The following NCOA5 variants were observed in gnomAD, a reference collection of about 807,000 sequenced individuals.
The protein encoded by NCOA5 is nuclear receptor coactivator 5.
In NCOA5, 12 loss-of-function variants were observed where a neutral mutation model predicts 59.0. The ratio of observed to expected loss-of-function variants is 0.20; its 90% CI spans 0.13 to 0.33. The LOEUF is 0.33. NCOA5 is among the 10% of genes least tolerant of loss of function. The pLI is 1.00. For missense variants in NCOA5, 655 were observed against 766.6 expected (o/e 0.85, Z 1.72); for synonymous variants, 270 against 275.5 (o/e 0.98, Z 0.20).
chr20:46,062,722 T>C lies in NCOA5; in HGVS notation c.1318A>G (p.Asn440Asp). ...CTATTGGCCGTCACTGTGCCACTAT[T>C]GAAGAGGCTGAGGATTTTGGCCTGA... is the stretch of plus-strand genomic sequence containing the variant. Reference protein sequence around the residue: ...ELQAKILSLFNSGTVTANSSS... With the variant: ...ELQAKILSLFDSGTVTANSSS... Residue 440 changes from asparagine (N) to aspartate (D), a missense_variant, in exon 8 of 8, where the codon AAT becomes GAT. Transcript: ENST00000290231. 4 of 1,613,868 alleles carry C rather than the reference T, an allele frequency of 2.5e-6. No individual in the cohort carries two copies. Among genetic ancestry groups the C allele is most frequent in the Non-Finnish European group, 3.4e-6 (4 of 1,179,830 alleles).
At chr20:46,089,176 C>T (rs938180332) in intron 1 of NCOA5, among the ~76,000 whole-genome samples, 7 of 152,194 alleles carry the variant, frequency 4.6e-5, no homozygotes, top group Admixed American at 4.6e-4. Flanking sequence ...GAAAGCCGGC[C>T]GGATCGGACG....
chr20:46,073,839 G>A (rs1809056076), intron 2 of NCOA5, among the ~76,000 whole-genome samples: 1 of 152,192 alleles, frequency 6.6e-6, no homozygotes, highest in Admixed American at 6.5e-5. Context: ...ATCCCTGCAA[G>A]TTGACTAAAA....
intron 1 of NCOA5, among the ~76,000 whole-genome samples, chr20:46,087,414 T>C (rs769040454): frequency 2.0e-5 from 3 of 152,198 alleles, no homozygotes; most frequent in Admixed American, 6.5e-5. Flanking sequence ...TAAAATGAAG[T>C]TTCAAACCAA....
intron 2 of NCOA5, among the ~76,000 whole-genome samples, chr20:46,073,072 A>G (rs2084901848): frequency 6.6e-6 from 1 of 152,228 alleles, no homozygotes; most frequent in Admixed American, 6.5e-5. Context: ...AAGGCTTTGT[A>G]GCTCTAGGAT....
intron 2 of NCOA5, among the ~76,000 whole-genome samples, chr20:46,073,220 T>C (rs1205300822): frequency 1.3e-5 from 2 of 152,178 alleles, no homozygotes; most frequent in African/African-American, 2.4e-5. Flanking sequence ...CATCATGATG[T>C]CATCAGCTTG....
chr20:46,062,549 C>A lies in NCOA5; in HGVS notation c.1491G>T (p.Met497Ile). The change falls in exon 8 of 8, where the codon ATG becomes ATT. Residue 497 changes from methionine to isoleucine, a missense_variant. By Grantham distance (10) the Met-to-Ile change is conservative. Transcript: ENST00000290231. ...GGGAAGGAGCCCCAGGTCTGGGGCC[C>A]ATGTTCTGAGCAGATCCTCCCTGTC... is the stretch of plus-strand genomic sequence containing the variant. ...ILGQGGSAQN[M>I]GPRPGAPSQG... 6.2e-7 allele frequency: 1 copy of A among 1,614,194 alleles called. No homozygotes were observed. The highest frequency in any genetic ancestry group is 8.5e-7 in the Non-Finnish European group (1 of 1,180,034).
chr20:46,078,289 A>T (rs1482782536), intron 2 of NCOA5, among the ~76,000 whole-genome samples: 1 of 152,238 alleles, frequency 6.6e-6, no homozygotes, highest in South Asian at 2.1e-4. Flanking sequence ...CACACAGTGG[A>T]CATTCTTTCA....
In NCOA5 at chr20:46,063,696, A is replaced by G; in HGVS notation, c.830-16T>C. ...TTGCGATGCTCTGTAGGAGGAAATG[A>G]CATGAGTTATTTTCTTCCATGACAT... is the stretch of plus-strand genomic sequence containing the variant. On this transcript the variant is annotated splice_polypyrimidine_tract_variant and intron_variant, in intron 6 of 7. Transcript: ENST00000290231. The G allele has an allele frequency of 6.2e-7, 1 of 1,606,864 alleles. No homozygotes were observed. Among genetic ancestry groups the G allele is most frequent in the Non-Finnish European group, 8.5e-7 (1 of 1,175,788 alleles).
Position 46,062,008 on chromosome 20 carries a change from G to A in NCOA5, c.*292C>T, listed in dbSNP as rs2084769709. ...CCTGGCTCCAAATCCAGTAGAAACA[G>A]GGACCGGAGAAACCCCATCAAATAC... On this transcript the variant is annotated 3_prime_UTR_variant, in exon 8 of 8. Coordinates refer to ENST00000290231, the MANE Select transcript of NCOA5 (RefSeq NM_020967.3). The A allele has an allele frequency of 4.1e-6, 1 of 243,612 alleles. No homozygotes were observed. The highest frequency in any genetic ancestry group is 2.2e-5 in the African/African-American group (1 of 44,682). The allele number at this position is 243,612 out of a possible 1,614,324, so 15.1% of individuals were successfully genotyped here.
intron 2 of NCOA5, among the ~76,000 whole-genome samples, chr20:46,076,608 G>C (rs111828912): frequency 6.6e-6 from 1 of 150,738 alleles, no homozygotes. Flanking sequence ...CTCTTAGTTC[G>C]GTTTTTAGAT....
At chr20:46,066,691 A>C (rs75655139) in intron 5 of NCOA5, among the ~76,000 whole-genome samples, 3,647 of 152,298 alleles carry the variant, frequency 0.024, 116 homozygotes, top group African/African-American at 0.072. Context: ...TAAGCTAAGA[A>C]GACACACGTT....
intron 1 of NCOA5, among the ~76,000 whole-genome samples, chr20:46,082,625 G>C (rs1472044214): frequency 2.8e-4 from 43 of 152,136 alleles, no homozygotes; most frequent in Admixed American, 2.8e-3. Flanking sequence ...TCTATACTTT[G>C]TTAATTATAC....
Position 46,063,601 on chromosome 20 carries a change from C to T in NCOA5, c.909G>A (p.Glu303=). The T allele has an allele frequency of 6.2e-7, 1 of 1,614,208 alleles. No homozygotes were observed. Among genetic ancestry groups the T allele is most frequent in the African/African-American group, 1.3e-5 (1 of 75,052 alleles). The part of the protein sequence containing the change: ...NYERYKNECR[E]KEREEIARQA... ...GTCTGGCAATCTCCTCACGTTCCTT[C>T]TCCCGGCACTCATTCTTGTAACGCT... is the stretch of plus-strand genomic sequence containing the variant. The change falls in exon 7 of 8, where the codon GAG becomes GAA. Residue 303 remains glutamate, a synonymous_variant. Transcript: ENST00000290231.
chr20:46,070,287 A>G lies in NCOA5; in HGVS notation c.288T>C (p.Ser96=). ...GGTCTCGCTGATCTCGAAAATCCCT[A>G]GAGTCTCTTAGATCACGAAAGTCTC... The part of the protein sequence containing the change: ...DLRDFRDLRD[S]RDFRDQRDPM... The change falls in exon 3 of 8, where the codon TCT becomes TCC. Residue 96 remains serine (S), a synonymous_variant. Coordinates refer to ENST00000290231, the MANE Select transcript of NCOA5 (RefSeq NM_020967.3). The G allele has an allele frequency of 6.2e-7, 1 of 1,614,046 alleles. No individual in the cohort carries two copies. Among genetic ancestry groups the G allele is most frequent in the Non-Finnish European group, 8.5e-7 (1 of 1,180,010 alleles).
chr20:46,083,477 G>A (rs1342355843), intron 1 of NCOA5, among the ~76,000 whole-genome samples: 1 of 152,172 alleles, frequency 6.6e-6, no homozygotes, highest in Non-Finnish European at 1.5e-5. Context: ...ATAGAATGAG[G>A]TGTTGCCCTA....
chr20:46,062,051 C>A lies in NCOA5; in HGVS notation c.*249G>T. 2.7e-6 allele frequency: 1 copy of A among 376,748 alleles called. No homozygotes were observed. The highest frequency in any genetic ancestry group is 4.8e-6 in the Non-Finnish European group (1 of 208,648). 23.3% of individuals were successfully genotyped at this position (376,748 alleles called of 1,614,324 possible). Reference sequence around the variant, plus strand: ...TCAAATACAAGCCCAGACACCTGTACTGCCCCCGGAGATATTTATTTTCTA... The same window carrying A: ...TCAAATACAAGCCCAGACACCTGTAATGCCCCCGGAGATATTTATTTTCTA... On this transcript the variant is annotated 3_prime_UTR_variant, in exon 8 of 8. Coordinates refer to ENST00000290231, the MANE Select transcript of NCOA5 (RefSeq NM_020967.3).
chr20:46,065,650 T>A (rs547720032), intron 5 of NCOA5, among the ~76,000 whole-genome samples: 1 of 152,336 alleles, frequency 6.6e-6, no homozygotes, highest in African/African-American at 2.4e-5. Context: ...GCAAGTCCAT[T>A]TACCTCTTAC....
intron 1 of NCOA5, among the ~76,000 whole-genome samples, chr20:46,086,873 G>A (rs146195314): frequency 0.013 from 2,001 of 152,322 alleles, 24 homozygotes; most frequent in Non-Finnish European, 0.018. Context: ...TCCTCTCTCA[G>A]ATATTGACAT....
rs2084789059 is a variant in NCOA5 at position 46,063,428 on chromosome 20, T to C, written c.1082A>G (p.Asp361Gly). 6.2e-7 allele frequency: 1 copy of C among 1,614,174 alleles called. No homozygotes were observed. Among genetic ancestry groups the C allele is most frequent in the Non-Finnish European group, 8.5e-7 (1 of 1,180,040 alleles). The stretch of plus-strand genomic sequence containing the variant: ...CTCTCGCAGGTAGTTGATGATCTTG[T>C]CAGTCTCTTCAGCAGTGAGGTACCT... ...DNRYLTAEET[D>G]KIINYLRERK... Residue 361 changes from aspartate (D) to glycine (G), a missense_variant, in exon 7 of 8, where the codon GAC (aspartate) becomes GGC (glycine). Asp to Gly is a moderately conservative substitution (Grantham distance 94). Transcript: ENST00000290231.
Sources: gnomAD v4.1 joint callset for allele counts (sites outside exome capture counted in the v4.1 genomes callset) on GRCh38, gnomAD v4.1.1 for gene constraint, MANE v1.5 for transcripts, NCBI Gene and HGNC (gene_info 2026-07-23, HGNC 2026-07-21) for gene names.